Variants in ATP11C observed in about 807,000 individuals in gnomAD.
ATP11C encodes phospholipid-transporting ATPase IG.
Under a neutral mutation model 97.4 loss-of-function variants are expected in ATP11C, and 36 were observed. The observed-to-expected ratio is 0.37, with a 90% CI of 0.28 to 0.49. The LOEUF is 0.49. ATP11C is among the 20% of genes least tolerant of loss of function. The pLI is 0.98. For missense variants in ATP11C, 730 were observed against 824.6 expected (o/e 0.89, Z 1.40); for synonymous variants, 275 against 290.9 (o/e 0.95, Z 0.56).
chrX:139,811,062 T>C (rs2083165118), intron 5 of ATP11C, among the ~76,000 whole-genome samples: 1 of 111,639 alleles, frequency 9.0e-6, no homozygotes, highest in African/African-American at 3.3e-5. Flanking sequence ...GGTTGATTCA[T>C]TGGTTGAAGT....
chrX:139,777,868 C>CT (rs1192745818), intron 18 of ATP11C, among the ~76,000 whole-genome samples: 50 of 103,544 alleles, frequency 4.8e-4, no homozygotes, highest in African/African-American at 7.6e-4. Context: ...GTAGTTTGGC[C>CT]TTTTTTTTTT....
chrX:139,814,560 T>C (rs1446975443), intron 5 of ATP11C, among the ~76,000 whole-genome samples: 1 of 111,996 alleles, frequency 8.9e-6, no homozygotes, highest in East Asian at 2.8e-4. Context: ...TGCTATATAC[T>C]ATAATGCAGA....
intron 1 of ATP11C, among the ~76,000 whole-genome samples, chrX:139,900,099 G>C (rs4824917): frequency 9.0e-6 from 1 of 111,388 alleles, no homozygotes; most frequent in East Asian, 2.8e-4. Context: ...GGCCGGGCGC[G>C]GTGGCTCATG....
At chrX:139,773,978 A>G (rs1299980762) in intron 19 of ATP11C, among the ~76,000 whole-genome samples, 1 of 112,510 alleles carries the variant, frequency 8.9e-6, no homozygotes, top group Non-Finnish European at 1.9e-5. Context: ...TGAAAATAAT[A>G]TTGCTTAGGG....
rs756703730 is a variant in ATP11C at position 139,860,206 on chromosome X, T to C, written c.28-33383A>G. Among the ~76,000 whole-genome samples, 8 of 111,105 alleles carry C rather than the reference T, an allele frequency of 7.2e-5. No individual in the cohort carries two copies. In the South Asian group the frequency reaches 1.5e-3, roughly 21 times the overall value. ...GAGTTCATTAGACTTTTCATGACTA[T>C]AATTAGAAAAGATATTTCTATGTTG... On this transcript the variant is annotated intron_variant, in intron 1 of 29. Transcript: ENST00000682941.
intron 1 of ATP11C, among the ~76,000 whole-genome samples, chrX:139,871,291 CT>C (rs1429323079): frequency 9.4e-6 from 1 of 106,181 alleles, no homozygotes; most frequent in Non-Finnish European, 1.9e-5. Flanking sequence ...TCACTGCAAC[CT>C]CCACCTCCCA....
intron 23 of ATP11C, among the ~76,000 whole-genome samples, chrX:139,755,490 T>C (rs768030461): frequency 1.8e-5 from 2 of 111,822 alleles, no homozygotes; most frequent in East Asian, 5.6e-4. Flanking sequence ...AATATTTTAA[T>C]ATTCATATGG....
intron 1 of ATP11C, among the ~76,000 whole-genome samples, chrX:139,889,558 T>A (rs890607149): frequency 8.9e-6 from 1 of 111,984 alleles, no homozygotes; most frequent in Admixed American, 9.5e-5. Context: ...AGGGCAAATT[T>A]TACTGTATGT....
chrX:139,783,028 C>T, intron 17 of ATP11C, 136 bp downstream of exon 17: 2 of 477,985 alleles, frequency 4.2e-6, no homozygotes, highest in Non-Finnish European at 6.9e-6. Flanking sequence ...ATTATCAAAT[C>T]CCCAAATACA....
intron 1 of ATP11C, among the ~76,000 whole-genome samples, chrX:139,884,892 T>C (rs1376172590): frequency 8.9e-6 from 1 of 111,960 alleles, no homozygotes; most frequent in Non-Finnish European, 1.9e-5. Context: ...CACCACTAAA[T>C]TGAGCACATT....
chrX:139,774,818 C>T lies in ATP11C; in HGVS notation c.2088G>A (p.Glu696=), dbSNP rs751934470. Residue 696 remains glutamate (E), a synonymous_variant, in exon 19 of 30, where the codon GAG becomes GAA. Transcript: ENST00000682941. ...YACRLFQTNT[E]LLELTTKTIE... is the part of the protein sequence containing the mutation. ...TGGTTTTTGTGGTTAGTTCTAAGAG[C>T]TCAGTGTTGGTCTGGAAAAGGCGGC... The T allele has an allele frequency of 7.4e-6, 9 of 1,210,335 alleles. No homozygotes were observed. In the African/African-American group the frequency reaches 1.6e-4, roughly 21 times the overall value.
intron 1 of ATP11C, among the ~76,000 whole-genome samples, chrX:139,905,416 A>C (rs1921038641): frequency 8.9e-6 from 1 of 112,058 alleles, no homozygotes; most frequent in Admixed American, 9.5e-5. Flanking sequence ...GAACTATAGG[A>C]GCATCTTACT....
At chrX:139,769,317 T>TATATATATATATATAG (rs1317181023) in intron 19 of ATP11C, among the ~76,000 whole-genome samples, 3 of 80,341 alleles carry the variant, frequency 3.7e-5, no homozygotes, top group Non-Finnish European at 7.0e-5. Context: ...TATATATATA[T>TATATATATATATATAG]ATATATATAT....
intron 15 of ATP11C, among the ~76,000 whole-genome samples, chrX:139,786,058 T>C (rs893830977): frequency 9.0e-6 from 1 of 111,213 alleles, no homozygotes; most frequent in African/African-American, 3.3e-5. Context: ...CACATCTTTG[T>C]GAGCCATTTC....
At chrX:139,790,947 A>G (rs973189675) in intron 12 of ATP11C, among the ~76,000 whole-genome samples, 1 of 111,445 alleles carries the variant, frequency 9.0e-6, no homozygotes, top group Non-Finnish European at 1.9e-5. Context: ...TATTTTTAAC[A>G]TCTGGCTTTT....
chrX:139,762,759 G>A (rs1290806133), intron 21 of ATP11C, among the ~76,000 whole-genome samples: 1 of 110,597 alleles, frequency 9.0e-6, no homozygotes, highest in Non-Finnish European at 1.9e-5. Context: ...AACTTGCTGG[G>A]GAGTTAGTTG....
rs1198567692 is a variant in ATP11C, at chrX:139,932,967, T to A, written c.-925A>T. On this transcript the variant is annotated 5_prime_UTR_variant, in exon 1 of 30. Transcript: ENST00000682941. Reference sequence around the variant, plus strand: ...GTACTCCCACCTACGCGGCTTTCCCTCCTCTCAGTCTTTCTCTCGTCCTGC... The same window carrying A: ...GTACTCCCACCTACGCGGCTTTCCCACCTCTCAGTCTTTCTCTCGTCCTGC... 8.9e-6 allele frequency: 1 copy of A among 112,259 alleles called. No individual in the cohort carries two copies. The highest frequency in any genetic ancestry group is 1.9e-5 in the Non-Finnish European group (1 of 53,182). The allele number at this position is 112,259 out of a possible 1,213,427, so 9.3% of individuals were successfully genotyped here. A position where few individuals can be genotyped will look rare whatever the true frequency, so the allele number is the denominator to read the frequency against.
At chrX:139,729,367 C>A (rs1427149674) in intron 29 of ATP11C, among the ~76,000 whole-genome samples, 2 of 111,673 alleles carry the variant, frequency 1.8e-5, no homozygotes, top group East Asian at 2.8e-4. Flanking sequence ...ACAGCAGATA[C>A]TCAGGAAATG....
intron 29 of ATP11C, among the ~76,000 whole-genome samples, chrX:139,730,289 C>A (rs1341837913): frequency 2.7e-5 from 3 of 111,307 alleles, no homozygotes; most frequent in Non-Finnish European, 5.7e-5. Context: ...AGAGAGCAAT[C>A]CAGGGGGATA....
Sources: allele counts gnomAD v4.1 joint callset (sites outside exome capture counted in the v4.1 genomes callset), GRCh38; gene constraint gnomAD v4.1.1; transcripts MANE v1.5; gene names NCBI Gene and HGNC (gene_info 2026-07-23, HGNC 2026-07-21).